TENM3: variants seen among roughly 807,000 people sequenced by gnomAD.
TENM3 encodes the protein teneurin transmembrane protein 3.
A neutral mutation model predicts 255.1 loss-of-function variants in TENM3; 63 were observed. The observed-to-expected ratio is 0.25, with a 90% CI of 0.20 to 0.30. The LOEUF (loss-of-function observed/expected upper bound fraction) is 0.30. Among genes scored for constraint, TENM3 ranks in the 10% least tolerant of loss-of-function variants. TENM3 has a pLI of 1.00. For missense variants in TENM3, 2,929 were observed against 3,461.1 expected (o/e 0.85, Z 3.86); for synonymous variants, 1,306 against 1,322.3 (o/e 0.99, Z 0.27).
At chr4:182,473,863 C>A (rs1733406069) in intron 3 of TENM3, among the ~76,000 whole-genome samples, 1 of 151,920 alleles carries the variant, frequency 6.6e-6, no homozygotes, top group African/African-American at 2.4e-5. Flanking sequence ...GAGGCTGAGG[C>A]TGGAGGATAG....
rs900311561 is a variant in TENM3 at position 182,801,208 on chromosome 4, A to C, written c.*857A>C. 2 of 152,636 alleles carry C rather than the reference A, an allele frequency of 1.3e-5. No homozygotes were observed. Among genetic ancestry groups the C allele is most frequent in the Admixed American group, 6.5e-5 (1 of 15,280 alleles). 9.5% of individuals were successfully genotyped at this position (152,636 alleles called of 1,614,324 possible). On this transcript the variant is annotated 3_prime_UTR_variant, in exon 28 of 28. Coordinates refer to ENST00000511685, the MANE Select transcript of TENM3 (RefSeq NM_001080477.4). The stretch of plus-strand genomic sequence containing the variant: ...CAGTATGAATTATTATATTGTAGAG[A>C]TATAACAACTTATGCCTATAATGTC...
intron 3 of TENM3, among the ~76,000 whole-genome samples, chr4:182,424,116 T>C (rs767375746): frequency 3.3e-5 from 5 of 152,158 alleles, no homozygotes; most frequent in Non-Finnish European, 7.4e-5. Context: ...GAATGGTCAT[T>C]CAATTCTACT....
Position 182,227,122 on chromosome 4 carries a change from C to T in TENM3, c.-76+82368C>T, listed in dbSNP as rs537422412. On this transcript the variant is annotated intron_variant, in intron 1 of 2. Transcript: ENST00000512480. ...TATAAGACAGCTCAAGCAGTAGACA[C>T]TCCTTTCCATGGAATCAAGGCACAA... Among the ~76,000 whole-genome samples the T allele has an allele frequency of 4.6e-5, 7 of 152,322 alleles. 1 individual carries two copies. In the South Asian group the frequency reaches 1.5e-3, roughly 32 times the overall value.
At chr4:181,857,551 CAAAAAAAAAAAAAAAAAAA>C in the TENM3 span, among the ~76,000 whole-genome samples, 10 of 104,808 alleles carry the variant, frequency 9.5e-5, no homozygotes, top group Admixed American at 8.6e-4. Flanking sequence ...CCTGTCTCTA[CAAAAAAAAAAAAAAAAAAA>C]AAAAACAAAA....
intron 3 of TENM3, among the ~76,000 whole-genome samples, chr4:182,589,875 G>A (rs1746427269): frequency 6.6e-6 from 1 of 152,108 alleles, no homozygotes; most frequent in Non-Finnish European, 1.5e-5. Flanking sequence ...TTGGGAGGCT[G>A]AGGCAGGAGA....
At chr4:181,548,396 G>A in the TENM3 span, among the ~76,000 whole-genome samples, 2 of 152,170 alleles carry the variant, frequency 1.3e-5, no homozygotes, top group African/African-American at 4.8e-5. Flanking sequence ...CAATGGCAAA[G>A]ACTTGGAACC....
chr4:181,822,847 G>A, the TENM3 span, among the ~76,000 whole-genome samples: 2 of 152,068 alleles, frequency 1.3e-5, no homozygotes, highest in African/African-American at 4.8e-5. Context: ...CAAATAAAAG[G>A]GGAGCTGTAC....
the TENM3 span, among the ~76,000 whole-genome samples, chr4:181,858,813 G>C: frequency 6.6e-6 from 1 of 152,216 alleles, no homozygotes; most frequent in Non-Finnish European, 1.5e-5. Flanking sequence ...AGTGGGAAAT[G>C]AGGCAAGAAA....
chr4:182,451,454 A>T (rs1488975760), intron 3 of TENM3, among the ~76,000 whole-genome samples: 2 of 152,112 alleles, frequency 1.3e-5, no homozygotes, highest in Non-Finnish European at 2.9e-5. Flanking sequence ...TTACTTGGTT[A>T]AAGGGGTGCA....
intron 2 of TENM3, among the ~76,000 whole-genome samples, chr4:182,335,432 T>C (rs1211505099): frequency 3.8e-5 from 5 of 130,804 alleles, no homozygotes; most frequent in Non-Finnish European, 8.0e-5. Flanking sequence ...GAGGCGGAGC[T>C]TGCAGTGAGC....
chr4:181,582,996 A>G, the TENM3 span, among the ~76,000 whole-genome samples: 3 of 152,360 alleles, frequency 2.0e-5, no homozygotes, highest in South Asian at 6.2e-4. Context: ...ATATATATAA[A>G]TGGACCTACC....
At chr4:181,744,892 A>C in the TENM3 span, among the ~76,000 whole-genome samples, 2 of 152,248 alleles carry the variant, frequency 1.3e-5, no homozygotes, top group Non-Finnish European at 2.9e-5. Flanking sequence ...GTTGGGTTGC[A>C]GTTTGGACCT....
rs1465310353 is a variant in TENM3, at chr4:182,345,796, T to C, written c.233-855T>C. Among the ~76,000 whole-genome samples the C allele has an allele frequency of 2.0e-5, 3 of 152,266 alleles. No homozygotes were observed. In the East Asian group the frequency reaches 5.8e-4, roughly 29 times the overall value. ...TGTCATGAGTTTTATTATGCTCAAT[T>C]TATTAGTAAAGGCCTGCAGAGTTCA... On this transcript the variant is annotated intron_variant, in intron 2 of 27. Coordinates refer to ENST00000511685, the MANE Select transcript of TENM3 (RefSeq NM_001080477.4).
At chr4:182,692,924 C>A (rs534131489) in intron 12 of TENM3, among the ~76,000 whole-genome samples, 1 of 151,988 alleles carries the variant, frequency 6.6e-6, no homozygotes, top group Non-Finnish European at 1.5e-5. Flanking sequence ...ATTTGAAGGA[C>A]CCCTCAAGGT....
chr4:182,470,375 A>T (rs1733002738), intron 3 of TENM3, among the ~76,000 whole-genome samples: 1 of 152,224 alleles, frequency 6.6e-6, no homozygotes. Context: ...ACCCCGTTTA[A>T]CATATGAATG....
chr4:182,044,992 GTA>G, the TENM3 span, among the ~76,000 whole-genome samples: 1 of 152,206 alleles, frequency 6.6e-6, no homozygotes, highest in Admixed American at 6.5e-5. Context: ...ATGATTACAA[GTA>G]TCTCTATGTT....
At chr4:182,029,732 G>A in the TENM3 span, among the ~76,000 whole-genome samples, 2 of 152,008 alleles carry the variant, frequency 1.3e-5, no homozygotes, top group Non-Finnish European at 2.9e-5. Flanking sequence ...CATTGTAAAA[G>A]TATTTGTATT....
At chr4:182,241,419 G>A (rs1372502018), upstream of TENM3, among the ~76,000 whole-genome samples, 2 of 151,582 alleles carry the variant, frequency 1.3e-5, no homozygotes, top group Non-Finnish European at 2.9e-5. Flanking sequence ...TGGGCCCTGT[G>A]TGGCATTCCC....
the TENM3 span, among the ~76,000 whole-genome samples, chr4:181,923,678 G>A: frequency 6.6e-6 from 1 of 152,116 alleles, no homozygotes; most frequent in Non-Finnish European, 1.5e-5. Context: ...GATAAGAAGT[G>A]AATAAAGACA....
Sources: allele counts gnomAD v4.1 joint callset (sites outside exome capture counted in the v4.1 genomes callset), GRCh38; gene constraint gnomAD v4.1.1; transcripts MANE v1.5; gene names NCBI Gene and HGNC (gene_info 2026-07-23, HGNC 2026-07-21).